DNASE1: variants seen among roughly 807,000 people sequenced by gnomAD.
The protein encoded by DNASE1 is deoxyribonuclease 1, also known as deoxyribonuclease-1.
DNASE1 carries 40 observed loss-of-function variants against 33.9 expected under a neutral mutation model. The observed-to-expected ratio is 1.18, with a 90% CI of 0.92 to 1.54. The LOEUF (loss-of-function observed/expected upper bound fraction) is 1.54. Among genes scored for constraint, DNASE1 ranks in the 40% most tolerant of loss-of-function variants. The pLI is 0.00. For synonymous variants in DNASE1, 216 were observed against 160.0 expected, an observed-to-expected ratio of 1.35 and a Z score of -2.64; for missense variants, 518 against 372.6, an observed-to-expected ratio of 1.39 and a Z score of -3.21.
chr16:3,646,034 A>G (rs1250215562), intron 1 of DNASE1, among the ~76,000 whole-genome samples: 1 of 152,074 alleles, frequency 6.6e-6, no homozygotes, highest in Admixed American at 6.6e-5. Context: ...AGAGGAGAGA[A>G]AGAACCCCGA....
chr16:3,633,245 T>C (rs913503802), intron 1 of DNASE1, among the ~76,000 whole-genome samples: 7 of 152,220 alleles, frequency 4.6e-5, no homozygotes, highest in Non-Finnish European at 8.8e-5. Context: ...CTGGCTTTAA[T>C]TGAACATTTT....
intron 1 of DNASE1, among the ~76,000 whole-genome samples, chr16:3,628,868 T>G (rs1363126222): frequency 6.7e-6 from 1 of 148,542 alleles, no homozygotes; most frequent in Non-Finnish European, 1.5e-5. Flanking sequence ...TCTGTTTTTT[T>G]TTTTTTCTTT....
chr16:3,663,320 C>G (rs1195063518), exon 10 of DNASE1: 5 of 1,494,216 alleles, frequency 3.3e-6, no homozygotes, highest in Non-Finnish European at 4.5e-6. Context: ...GTGGCTGAGC[C>G]CAGGTCAACT....
At position 3,657,021 on chromosome 16, in the gene DNASE1, T is replaced by TCC; in HGVS notation, c.462_463dup (p.Leu155ProfsTer10). 5 of 1,613,776 alleles carry TCC rather than the reference T, an allele frequency of 3.1e-6. No individual in the cohort carries two copies. The highest frequency in any genetic ancestry group is 4.2e-6 in the Non-Finnish European group (5 of 1,179,970). On this transcript the variant is annotated frameshift_variant, in exon 6 of 9. Transcript: ENST00000246949. LOFTEE classifies it high-confidence loss of function. ...CAGAGGTCAGGGAGTTTGCCATTGT[T>TCC]CCCCTGCATGCGGCCCCGGGGGACG...
Position 3,623,314 on chromosome 16 carries a change from A to G in DNASE1, c.-1359+11308A>G, listed in dbSNP as rs138263563. Among the ~76,000 whole-genome samples the G allele has an allele frequency of 2.1e-4, 32 of 152,262 alleles. No homozygotes were observed. In the East Asian group the frequency reaches 3.3e-3, roughly 16 times the overall value. On this transcript the variant is annotated intron_variant and NMD_transcript_variant, in intron 1 of 11. Transcript: ENST00000570769. ...TATAGAAAAATGAAACCGTACCTCT[A>G]TCTCTCACCGCATACAAAAATTAAC...
upstream of DNASE1, chr16:3,640,806 T>C (rs1246238914): frequency 1.5e-5 from 6 of 398,472 alleles, no homozygotes; most frequent in Non-Finnish European, 2.7e-5. Flanking sequence ...GCAAGTTGCA[T>C]GTCACTAGCT....
In DNASE1 at chr16:3,657,469, C is replaced by A. The variant is rs980222047; in HGVS notation, c.704+128C>A. 11 of 1,357,018 alleles carry A rather than the reference C, an allele frequency of 8.1e-6. No homozygotes were observed. In the Admixed American group the frequency reaches 1.3e-4, roughly 16 times the overall value. The allele number at this position is 1,357,018 out of a possible 1,614,324, so 84.1% of individuals were successfully genotyped here. ...CAACTGAGCTTCAGTTGATCCACTA[C>A]AGGGAACAGAATAACAAGAGCCACG... On this transcript the variant is annotated intron_variant, in intron 7 of 8. Coordinates refer to ENST00000246949, the MANE Select transcript of DNASE1 (RefSeq NM_005223.4).
chr16:3,646,975 A>G (rs1191200709), intron 1 of DNASE1, among the ~76,000 whole-genome samples: 1 of 152,128 alleles, frequency 6.6e-6, no homozygotes, highest in African/African-American at 2.4e-5. Context: ...CAGCAAGTTT[A>G]TGATGCCTGA....
downstream of DNASE1, chr16:3,661,963 G>C (rs773715278): frequency 6.3e-7 from 1 of 1,574,884 alleles, no homozygotes; most frequent in Non-Finnish European, 8.6e-7. Context: ...CCACAGGCTG[G>C]AAGAGCCAGG....
rs750330088 is a variant in DNASE1 at position 3,656,107 on chromosome 16, C to T, written c.242C>T (p.Ala81Val). The change falls in exon 4 of 9, where the codon GCA becomes GTA. Residue 81 changes from alanine to valine, a missense_variant. Transcript: ENST00000246949. The stretch of plus-strand genomic sequence containing the variant: ...CTTTTGTTTCTTCAATCCAGGGATG[C>T]ACCAGACACCTATCACTACGTGGTC... ...GKLLDNLNQD[A>V]PDTYHYVVSE... 17 of 1,613,986 alleles carry T rather than the reference C, an allele frequency of 1.1e-5. No homozygotes were observed. The highest frequency in any genetic ancestry group is 6.7e-5 in the Admixed American group (4 of 60,000).
At chr16:3,654,526 G>C (rs557807733), upstream of DNASE1, 3 of 398,690 alleles carry the variant, frequency 7.5e-6, no homozygotes, top group South Asian at 1.3e-4. Context: ...CCCCAGACAA[G>C]AGACAGGGAG....
At chr16:3,659,985 C>T (rs1197341216), downstream of DNASE1, 4 of 152,150 alleles carry the variant, frequency 2.6e-5, no homozygotes, top group African/African-American at 9.7e-5. Flanking sequence ...CCTAGGCCTC[C>T]CAAAATGTTG....
At chr16:3,623,655 T>A (rs1474463617) in intron 1 of DNASE1, among the ~76,000 whole-genome samples, 1 of 151,972 alleles carries the variant, frequency 6.6e-6, no homozygotes, top group Non-Finnish European at 1.5e-5. Flanking sequence ...GAGCAAAGGC[T>A]GGGCGTGGTG....
chr16:3,659,253 A>T (rs576088533), downstream of DNASE1: 15 of 177,352 alleles, frequency 8.5e-5, no homozygotes, highest in Middle Eastern at 2.5e-3. Context: ...GGGGGAAGGC[A>T]AACAACTCCA....
upstream of DNASE1, chr16:3,653,994 A>C (rs2042442637): frequency 6.0e-6 from 1 of 166,460 alleles, no homozygotes; most frequent in Non-Finnish European, 1.3e-5. Flanking sequence ...CCATAGTCTT[A>C]GCTACTCAGG....
intron 1 of DNASE1, among the ~76,000 whole-genome samples, chr16:3,614,346 C>T (rs148190249): frequency 2.3e-4 from 35 of 152,294 alleles, no homozygotes; most frequent in African/African-American, 8.2e-4. Flanking sequence ...AGCCACCGCG[C>T]CTGGCCTGAA....
At chr16:3,654,343 T>A, upstream of DNASE1, 2 of 398,804 alleles carry the variant, frequency 5.0e-6, no homozygotes, top group African/African-American at 2.1e-5. Context: ...CCCCCACCAC[T>A]GCTTGTTCCG....
chr16:3,645,670 C>T (rs1397165638), intron 1 of DNASE1, among the ~76,000 whole-genome samples: 1 of 152,194 alleles, frequency 6.6e-6, no homozygotes, highest in Non-Finnish European at 1.5e-5. Flanking sequence ...CATTCCATAG[C>T]AGGCCGGGTT....
At chr16:3,653,516 C>T (rs1223747102), upstream of DNASE1, 1 of 151,866 alleles carries the variant, frequency 6.6e-6, no homozygotes, top group Non-Finnish European at 1.5e-5. Flanking sequence ...CTGTGAGAAA[C>T]TTAAAAAATA....
Sources: allele counts gnomAD v4.1 joint callset (sites outside exome capture counted in the v4.1 genomes callset), GRCh38; gene constraint gnomAD v4.1.1; transcripts MANE v1.5; gene names NCBI Gene and HGNC (gene_info 2026-07-23, HGNC 2026-07-21).